DCDC2C: variants seen among roughly 807,000 people sequenced by gnomAD.
The protein encoded by DCDC2C is doublecortin domain containing 2C.
In DCDC2C, 44 loss-of-function variants were observed where a neutral mutation model predicts 45.0. The observed-to-expected ratio is 0.98, with a 90% CI of 0.77 to 1.26. The LOEUF is 1.26. DCDC2C is among the 50% of genes most tolerant of loss of function. DCDC2C has a pLI of 0.00. For missense variants in DCDC2C, 447 were observed against 468.9 expected, an observed-to-expected ratio of 0.95 and a Z score of 0.43; for synonymous variants, 187 against 178.8, an observed-to-expected ratio of 1.05 and a Z score of -0.37.
At chr2:3,820,615 C>G (rs549653183) in intron 10 of DCDC2C, among the ~76,000 whole-genome samples, 1 of 152,134 alleles carries the variant, frequency 6.6e-6, no homozygotes, top group African/African-American at 2.4e-5. Context: ...TTCCCAAGTC[C>G]GTGACCGGTG....
chr2:3,704,242 G>A (rs1667972062), intron 1 of DCDC2C: 4 of 427,234 alleles, frequency 9.4e-6, no homozygotes, highest in Non-Finnish European at 1.6e-5. Context: ...AGGCAGCCCC[G>A]CCCCCAGGGT....
intron 3 of DCDC2C, among the ~76,000 whole-genome samples, chr2:3,728,240 A>G (rs1455268617): frequency 6.6e-6 from 1 of 152,232 alleles, no homozygotes; most frequent in Non-Finnish European, 1.5e-5. Context: ...GAATTCGCCA[A>G]ACTTGGCCCC....
In DCDC2C at chr2:3,799,005, T is replaced by C. The variant is rs536321845; in HGVS notation, c.1065+13905T>C. Among the ~76,000 whole-genome samples, 11 of 150,946 alleles carry C rather than the reference T, an allele frequency of 7.3e-5. No individual in the cohort carries two copies. In the South Asian group the frequency reaches 1.3e-3, roughly 17 times the overall value. ...CCATTCTCCCCATCACTTTCAGGTA[T>C]ACCAATCAGATGTAGATTTGGTCTT... On this transcript the variant is annotated intron_variant, in intron 10 of 10. Transcript: ENST00000399143.
intron 1 of DCDC2C, among the ~76,000 whole-genome samples, chr2:3,707,043 C>T (rs537565803): frequency 4.6e-5 from 7 of 152,058 alleles, no homozygotes; most frequent in African/African-American, 7.2e-5. Flanking sequence ...TGGAAGTAGC[C>T]GGGAGGGAGC....
chr2:3,781,756 G>A (rs1224115817), intron 9 of DCDC2C, among the ~76,000 whole-genome samples: 1 of 152,136 alleles, frequency 6.6e-6, no homozygotes, highest in Non-Finnish European at 1.5e-5. Flanking sequence ...TGTAGTCCCA[G>A]CTCCCTGGGA....
chr2:3,714,681 A>G (rs1668304599), intron 2 of DCDC2C, among the ~76,000 whole-genome samples: 2 of 152,192 alleles, frequency 1.3e-5, no homozygotes, highest in African/African-American at 4.8e-5. Flanking sequence ...TTTAAAATTA[A>G]TTTCTTAATA....
chr2:3,749,215 T>A (rs1487955875), intron 4 of DCDC2C, among the ~76,000 whole-genome samples: 1 of 152,230 alleles, frequency 6.6e-6, no homozygotes, highest in Non-Finnish European at 1.5e-5. Flanking sequence ...TTTTCCAATT[T>A]AAAAAACAAT....
At chr2:3,844,619 A>G (rs904199715) in intron 10 of DCDC2C, 3 of 152,202 alleles carry the variant, frequency 2.0e-5, no homozygotes, top group Admixed American at 6.5e-5. Flanking sequence ...AAAAGCGGAC[A>G]TTTTTTCACA....
chr2:3,746,852 G>T lies in DCDC2C; in HGVS notation c.545+4804G>T, dbSNP rs192834207. Among the ~76,000 whole-genome samples, 62 of 152,276 alleles carry T rather than the reference G, an allele frequency of 4.1e-4. 1 individual carries two copies. Among genetic ancestry groups the T allele is most frequent in the Admixed American group, 2.5e-3 (38 of 15,304 alleles). On this transcript the variant is annotated intron_variant, in intron 4 of 10. Transcript: ENST00000399143. The stretch of plus-strand genomic sequence containing the variant: ...GCGTTGAGAGGAGTTGAAGAAGAAG[G>T]CTTCATAGAGGTGGCGGATCTGTCC...
intron 3 of DCDC2C, among the ~76,000 whole-genome samples, chr2:3,740,909 T>C (rs1035447952): frequency 1.3e-5 from 2 of 152,224 alleles, no homozygotes; most frequent in African/African-American, 4.8e-5. Flanking sequence ...TAGTAAATTA[T>C]AATGTAAAAA....
intron 2 of DCDC2C, among the ~76,000 whole-genome samples, chr2:3,721,996 C>G (rs1266564838): frequency 6.6e-6 from 1 of 152,252 alleles, no homozygotes; most frequent in Non-Finnish European, 1.5e-5. Context: ...TGAAAACAAA[C>G]TAATACACTG....
At chr2:3,820,469 G>T (rs533358238) in intron 10 of DCDC2C, among the ~76,000 whole-genome samples, 1 of 152,002 alleles carries the variant, frequency 6.6e-6, no homozygotes, top group African/African-American at 2.4e-5. Context: ...AGGCATCCCC[G>T]CAATCGACTT....
At chr2:3,846,883 GGAGT>G (rs1672346547) in intron 10 of DCDC2C, among the ~76,000 whole-genome samples, 1 of 152,230 alleles carries the variant, frequency 6.6e-6, no homozygotes, top group Non-Finnish European at 1.5e-5. Flanking sequence ...AAACTGAAAT[GGAGT>G]GGCCACCAGC....
At chr2:3,798,793 T>C (rs1235949847) in intron 10 of DCDC2C, among the ~76,000 whole-genome samples, 1 of 152,246 alleles carries the variant, frequency 6.6e-6, no homozygotes, top group African/African-American at 2.4e-5. Flanking sequence ...TCTCTCTGGC[T>C]GTGCTTAACA....
chr2:3,835,963 C>G (rs893414018), intron 10 of DCDC2C, among the ~76,000 whole-genome samples: 1 of 152,218 alleles, frequency 6.6e-6, no homozygotes, highest in East Asian at 1.9e-4. Context: ...AGGCTGATCT[C>G]GAACTCCTGG....
intron 10 of DCDC2C, among the ~76,000 whole-genome samples, chr2:3,786,787 C>CTAAA (rs1173390119): frequency 3.9e-5 from 6 of 152,274 alleles, no homozygotes; most frequent in Non-Finnish European, 5.9e-5. Flanking sequence ...TTTAGCTTTT[C>CTAAA]CACTAACTTG....
At chr2:3,785,475 A>G (rs1217944382) in intron 10 of DCDC2C, among the ~76,000 whole-genome samples, 1 of 151,340 alleles carries the variant, frequency 6.6e-6, no homozygotes, top group Non-Finnish European at 1.5e-5. Flanking sequence ...TTTTCCAGGC[A>G]GTCATAAAAG....
At chr2:3,799,506 CT>C (rs1452945062) in intron 10 of DCDC2C, among the ~76,000 whole-genome samples, 1 of 152,048 alleles carries the variant, frequency 6.6e-6, no homozygotes, top group African/African-American at 2.4e-5. Flanking sequence ...GTTTTATCTA[CT>C]TTTGGTCTTT....
At chr2:3,813,057 A>T (rs1558238643) in intron 10 of DCDC2C, among the ~76,000 whole-genome samples, 2 of 100,212 alleles carry the variant, frequency 2.0e-5, no homozygotes, top group Admixed American at 1.1e-4. Context: ...ATATATATAT[A>T]TATATATATA....
Sources: allele counts gnomAD v4.1 joint callset (sites outside exome capture counted in the v4.1 genomes callset), GRCh38; gene constraint gnomAD v4.1.1; transcripts MANE v1.5; gene names NCBI Gene and HGNC (gene_info 2026-07-23, HGNC 2026-07-21).